The following CHST15 variants were observed in gnomAD, a reference collection of about 807,000 sequenced individuals.
CHST15 encodes carbohydrate sulfotransferase 15.
Under a neutral mutation model 53.6 loss-of-function variants are expected in CHST15, and 30 were observed. The ratio of observed to expected loss-of-function variants is 0.56; its 90% CI spans 0.42 to 0.76. The LOEUF (loss-of-function observed/expected upper bound fraction) is 0.76. Among genes scored for constraint, CHST15 ranks in the 30% least tolerant of loss-of-function variants. The pLI is 0.00. For synonymous variants in CHST15, 296 were observed against 289.8 expected (o/e 1.02, Z -0.22); for missense variants, 627 against 740.5 (o/e 0.85, Z 1.78).
chr10:124,045,742 G>A lies in CHST15; in HGVS notation c.471C>T (p.Asn157=), dbSNP rs1333562827. 3 of 1,614,064 alleles carry A rather than the reference G, an allele frequency of 1.9e-6. No homozygotes were observed. Among genetic ancestry groups the A allele is most frequent in the African/African-American group, 2.7e-5 (2 of 74,926 alleles). ...KDYPSIKLII[N]SITTRIEFTT... is the part of the protein sequence containing the mutation. ...TGAACTCAATCCTAGTTGTGATGCT[G>A]TTGATAATTAATTTAATGCTTGGAT... The change falls in exon 2 of 8, where the codon AAC becomes AAT. Residue 157 remains asparagine (N), a synonymous_variant. Coordinates refer to ENST00000435907, the MANE Select transcript of CHST15 (RefSeq NM_001270764.2).
At chr10:124,092,604 G>A (rs1949638453) in intron 1 of CHST15, 1 of 152,398 alleles carries the variant, frequency 6.6e-6, no homozygotes, top group Admixed American at 6.5e-5. Flanking sequence ...CTTAGGCGCG[G>A]GAGAGCTCTG....
chr10:124,046,937 A>C (rs1238326275), intron 1 of CHST15, among the ~76,000 whole-genome samples: 1 of 152,170 alleles, frequency 6.6e-6, no homozygotes, highest in Non-Finnish European at 1.5e-5. Flanking sequence ...TCTGCCACCA[A>C]ACATGGCCCC....
intron 6 of CHST15, chr10:124,021,001 C>A: frequency 7.0e-7 from 1 of 1,422,564 alleles, no homozygotes; most frequent in Non-Finnish European, 9.1e-7. Context: ...CCTAAAGGCA[C>A]CCTCATCCTC....
chr10:124,014,487 GAA>G (rs559977255), intron 6 of CHST15, among the ~76,000 whole-genome samples: 86 of 152,274 alleles, frequency 5.6e-4, no homozygotes, highest in Non-Finnish European at 9.7e-4. Context: ...TGCCAGCTCA[GAA>G]AAAAGACCTC....
intron 5 of CHST15, among the ~76,000 whole-genome samples, chr10:124,030,128 G>A (rs75738531): frequency 6.6e-6 from 1 of 152,170 alleles, no homozygotes; most frequent in East Asian, 1.9e-4. Context: ...CCAATAACAA[G>A]ATGTGGCGCC....
At position 124,044,747 on chromosome 10, in the gene CHST15, AG is replaced by A; in HGVS notation, c.718del (p.Leu240TrpfsTer20). ...GAAGTGCTTCCCGTGCGCGTGCGCCAGGTGGCCCCAGAAGGCCTTGCGCAGG... is the reference window on the plus strand; with the variant it reads ...GAAGTGCTTCCCGTGCGCGTGCGCCAGTGGCCCCAGAAGGCCTTGCGCAGG... ...DALRKAFWGHLAHAHGKHFRL... is the reference protein window; with the variant it reads ...DALRKAFWGHXAHAHGKHFRL... On this transcript the variant is annotated frameshift_variant, in exon 3 of 8. Coordinates refer to ENST00000435907, the MANE Select transcript of CHST15 (RefSeq NM_001270764.2). LOFTEE classifies it high-confidence loss of function. 6.2e-7 allele frequency: 1 copy of A among 1,613,290 alleles called. No individual in the cohort carries two copies. Among genetic ancestry groups the A allele is most frequent in the Non-Finnish European group, 8.5e-7 (1 of 1,179,686 alleles).
chr10:124,054,822 C>T lies in CHST15; in HGVS notation c.-512-8098G>A, dbSNP rs915282978. Among the ~76,000 whole-genome samples, 6 of 152,144 alleles carry T rather than the reference C, an allele frequency of 3.9e-5. No homozygotes were observed. The East Asian group carries it at 9.6e-4, about 24-fold the overall frequency. ...ACCCAGAGTCTAGTACCCCGCACAC[C>T]GTGGAAGGATGAGCCATCCCAAAAC... On this transcript the variant is annotated intron_variant, in intron 1 of 7. Transcript: ENST00000435907.
intron 5 of CHST15, among the ~76,000 whole-genome samples, chr10:124,034,624 A>AC (rs1360130445): frequency 4.7e-5 from 6 of 127,416 alleles, no homozygotes; most frequent in African/African-American, 2.3e-4. Flanking sequence ...CCCTGGCTTC[A>AC]CCCCTGATAG....
rs143585648 is a variant in CHST15, at chr10:124,066,783, G to A, written c.-512-20059C>T. ...CTGCCATGCACCTCCCTCCTGGGGA[G>A]GTGGGCTCCAGCCCAGCCACAGCTC... On this transcript the variant is annotated intron_variant, in intron 1 of 7. Transcript: ENST00000435907. Among the ~76,000 whole-genome samples, 826 of 152,352 alleles carry A rather than the reference G, an allele frequency of 5.4e-3. 5 individuals are homozygous for A. Among genetic ancestry groups the A allele is most frequent in the African/African-American group, 0.019 (780 of 41,594 alleles).
At position 124,019,955 on chromosome 10, in the gene CHST15, T is replaced by C; in HGVS notation, c.1347+1301A>G. 1.0e-6 allele frequency: 1 copy of C among 985,674 alleles called. No individual in the cohort carries two copies. Among genetic ancestry groups the C allele is most frequent in the African/African-American group, 1.7e-5 (1 of 57,288 alleles). 61.1% of individuals were successfully genotyped at this position (985,674 alleles called of 1,614,324 possible). On this transcript the variant is annotated intron_variant, in intron 6 of 7. Coordinates refer to ENST00000435907, the MANE Select transcript of CHST15 (RefSeq NM_001270764.2). The surrounding 1 kb of genome is among the most constrained non-coding windows in gnomAD (Gnocchi z 4.6). ...CGCTGCTCTCAGTTCCCTGGCCAACTCTCCTTCAGGCCTCAGCACAGACAT... is the reference window on the plus strand; with the variant it reads ...CGCTGCTCTCAGTTCCCTGGCCAACCCTCCTTCAGGCCTCAGCACAGACAT...
chr10:124,084,488 G>T (rs1949356336), intron 1 of CHST15, among the ~76,000 whole-genome samples: 1 of 76,824 alleles, frequency 1.3e-5, no homozygotes, highest in Non-Finnish European at 2.6e-5. Flanking sequence ...GGCCTGCCCA[G>T]CTCCTGCTGC....
At chr10:124,068,851 T>C (rs1430054072) in intron 1 of CHST15, among the ~76,000 whole-genome samples, 1 of 152,236 alleles carries the variant, frequency 6.6e-6, no homozygotes, top group East Asian at 1.9e-4. Flanking sequence ...AAATGTTCTA[T>C]TTTAATAAGA....
intron 1 of CHST15, among the ~76,000 whole-genome samples, chr10:124,092,817 CA>C (rs1482564857): frequency 6.6e-6 from 1 of 152,256 alleles, no homozygotes; most frequent in Non-Finnish European, 1.5e-5. Context: ...GACGCGCGCT[CA>C]CACCGTGAAA....
intron 1 of CHST15, among the ~76,000 whole-genome samples, chr10:124,084,737 G>C (rs186828248): frequency 6.6e-6 from 1 of 152,110 alleles, no homozygotes; most frequent in African/African-American, 2.4e-5. Flanking sequence ...TAAAACTCCC[G>C]AACATCTTCC....
chr10:124,023,847 T>A (rs1330555531), intron 5 of CHST15, among the ~76,000 whole-genome samples: 38 of 52,908 alleles, frequency 7.2e-4, no homozygotes, highest in African/African-American at 3.1e-3. Context: ...TCCGTCTTCG[T>A]TTTTTTTTTT....
intron 7 of CHST15, among the ~76,000 whole-genome samples, chr10:124,011,286 T>C (rs990389698): frequency 4.6e-5 from 7 of 152,166 alleles, no homozygotes; most frequent in African/African-American, 1.7e-4. Context: ...TAGGGCCATA[T>C]GAAACACAGA....
chr10:124,042,039 C>A (rs1172901286), intron 4 of CHST15, among the ~76,000 whole-genome samples: 4 of 152,244 alleles, frequency 2.6e-5, no homozygotes. Flanking sequence ...GAAATGGCAA[C>A]TTCTCAAGAA....
At chr10:124,011,998 T>C (rs531193199) in intron 7 of CHST15, among the ~76,000 whole-genome samples, 1 of 152,280 alleles carries the variant, frequency 6.6e-6, no homozygotes, top group East Asian at 1.9e-4. Context: ...GCACATACCT[T>C]ACATGACAGT....
At chr10:124,033,032 C>T (rs1190015477) in intron 5 of CHST15, among the ~76,000 whole-genome samples, 1 of 152,150 alleles carries the variant, frequency 6.6e-6, no homozygotes, top group Non-Finnish European at 1.5e-5. Context: ...AGCCAGCAAC[C>T]CCCAAAATCT....
Sources: gnomAD v4.1 joint callset for allele counts (sites outside exome capture counted in the v4.1 genomes callset) on GRCh38, gnomAD v4.1.1 for gene constraint, Gnocchi (gnomAD v3.1) non-coding constraint, MANE v1.5 for transcripts, NCBI Gene and HGNC (gene_info 2026-07-23, HGNC 2026-07-21) for gene names.